The following RASGEF1C variants were observed in gnomAD, a reference collection of about 807,000 sequenced individuals.
The protein encoded by RASGEF1C is RasGEF domain family member 1C.
Under a neutral mutation model 58.1 loss-of-function variants are expected in RASGEF1C, and 27 were observed. The observed-to-expected ratio is 0.46, with a 90% CI of 0.34 to 0.64. RASGEF1C has a LOEUF of 0.64. Ranked by LOEUF, RASGEF1C falls within the 30% of genes least tolerant of loss-of-function variation. The pLI is 0.01. For synonymous variants in RASGEF1C, 243 were observed against 246.3 expected (o/e 0.99, Z 0.13); for missense variants, 502 against 605.1 (o/e 0.83, Z 1.79).
rs1198138037 is a variant in RASGEF1C at position 180,143,958 on chromosome 5, G to A, written c.-6-5900C>T. Among the ~76,000 whole-genome samples, 1 of 152,172 alleles carries A rather than the reference G, an allele frequency of 6.6e-6. No individual in the cohort carries two copies. The highest frequency in any genetic ancestry group is 1.5e-5 in the Non-Finnish European group (1 of 68,034). On this transcript the variant is annotated intron_variant, in intron 1 of 13. Coordinates refer to ENST00000361132, the MANE Select transcript of RASGEF1C (RefSeq NM_175062.4). This position sits in a 1 kb window ranked among gnomAD's most constrained non-coding sequence, Gnocchi z 4.3. Reference sequence around the variant, plus strand: ...AGGGACAGAGGTAAAGAAGGCTCCCGAAGGCCCCTGTGAGGACCACGCGCG... The same window carrying A: ...AGGGACAGAGGTAAAGAAGGCTCCCAAAGGCCCCTGTGAGGACCACGCGCG...
chr5:180,172,904 A>G (rs1226378439), intron 1 of RASGEF1C, among the ~76,000 whole-genome samples: 9 of 151,936 alleles, frequency 5.9e-5, no homozygotes. Flanking sequence ...CCCATGCTCT[A>G]TCCTCTTCTG....
At chr5:180,130,850 T>C (rs750240596) in intron 4 of RASGEF1C, among the ~76,000 whole-genome samples, 11 of 152,190 alleles carry the variant, frequency 7.2e-5, no homozygotes, top group Non-Finnish European at 1.5e-4. Context: ...GTCCGTCATA[T>C]GGCCCATGGT....
intron 1 of RASGEF1C, among the ~76,000 whole-genome samples, chr5:180,167,066 G>A (rs182436702): frequency 1.3e-5 from 2 of 152,210 alleles, no homozygotes; most frequent in Admixed American, 6.5e-5. Flanking sequence ...TTCTGCTTGA[G>A]ATTCATCCTG....
intron 1 of RASGEF1C, among the ~76,000 whole-genome samples, chr5:180,182,191 C>A (rs574451550): frequency 1.1e-5 from 1 of 87,312 alleles, no homozygotes; most frequent in South Asian, 4.2e-4. Context: ...GGCAACAGAG[C>A]AAGACTCCGT....
chr5:180,170,381 A>G (rs1328249028), intron 1 of RASGEF1C, among the ~76,000 whole-genome samples: 1 of 152,148 alleles, frequency 6.6e-6, no homozygotes, highest in Non-Finnish European at 1.5e-5. Context: ...CCTATTTACC[A>G]CGAGAATGAA....
In RASGEF1C at chr5:180,119,130, C is replaced by T. The variant is rs548977324; in HGVS notation, c.907+216G>A. Among the ~76,000 whole-genome samples, 10 of 152,372 alleles carry T rather than the reference C, an allele frequency of 6.6e-5. No individual in the cohort carries two copies. In the South Asian group the frequency reaches 8.3e-4, roughly 13 times the overall value. ...GACATACCACCAAGCCCTCACCAAA[C>T]ATCCCGAGGGGGCTGGGCTTGCCTC... On this transcript the variant is annotated intron_variant, in intron 8 of 13. Transcript: ENST00000361132.
chr5:180,166,149 C>T (rs1767018153), intron 1 of RASGEF1C, among the ~76,000 whole-genome samples: 1 of 152,104 alleles, frequency 6.6e-6, no homozygotes, highest in African/African-American at 2.4e-5. Context: ...AATAAATATT[C>T]CAACACTTCA....
chr5:180,139,348 A>G (rs1173050856), intron 1 of RASGEF1C, among the ~76,000 whole-genome samples: 1 of 152,114 alleles, frequency 6.6e-6, no homozygotes, highest in Non-Finnish European at 1.5e-5. Flanking sequence ...TCCCCTGCTC[A>G]TGCCGTCCTT....
At chr5:180,109,056 C>T (rs1765913214) in intron 12 of RASGEF1C, among the ~76,000 whole-genome samples, 1 of 152,222 alleles carries the variant, frequency 6.6e-6, no homozygotes, top group African/African-American at 2.4e-5. Context: ...TTTTCTCCCT[C>T]TCTGCCCTGA....
At chr5:180,189,923 CAAAAAAAA>C (rs71001085) in intron 1 of RASGEF1C, among the ~76,000 whole-genome samples, 4 of 37,188 alleles carry the variant, frequency 1.1e-4, no homozygotes, top group African/African-American at 1.0e-4. Flanking sequence ...AACTCCATCT[CAAAAAAAA>C]AAAAAAAAAA....
At position 180,112,906 on chromosome 5, in the gene RASGEF1C, C is replaced by CA. The variant is rs1765982855; in HGVS notation, c.1180-1327_1180-1326insT. On this transcript the variant is annotated intron_variant, in intron 11 of 13. Transcript: ENST00000361132. ...AGGGACCGGGGATGGACGGAGGGAC[C>CA]GTGGATGGACAGAGGGATCCGGGAT... 1.4e-5 allele frequency among the ~76,000 whole-genome samples: 2 copies of CA among 146,794 alleles called. 1 individual carries two copies. Among genetic ancestry groups the CA allele is most frequent in the East Asian group, 4.1e-4 (2 of 4,838 alleles).
intron 13 of RASGEF1C, 70 bp downstream of exon 13, chr5:180,102,001 G>T (rs1765794624): frequency 1.3e-6 from 1 of 771,252 alleles, no homozygotes; most frequent in African/African-American, 1.7e-5. Flanking sequence ...TCCCACCTCG[G>T]CGCGAAGACT....
chr5:180,162,358 A>AT (rs1313898927), intron 1 of RASGEF1C, among the ~76,000 whole-genome samples: 1 of 152,264 alleles, frequency 6.6e-6, no homozygotes, highest in Non-Finnish European at 1.5e-5. Context: ...ACTGAGTCCC[A>AT]GAGGGAGGAC....
At chr5:180,104,045 T>C (rs1394510476) in intron 12 of RASGEF1C, among the ~76,000 whole-genome samples, 1 of 152,208 alleles carries the variant, frequency 6.6e-6, no homozygotes, top group African/African-American at 2.4e-5. Context: ...GACGTATAAT[T>C]ATTTTTACAT....
chr5:180,127,626 G>C lies in RASGEF1C; in HGVS notation c.697C>G (p.Pro233Ala). 6.2e-7 allele frequency: 1 copy of C among 1,613,062 alleles called. No homozygotes were observed. The highest frequency in any genetic ancestry group is 8.5e-7 in the Non-Finnish European group (1 of 1,179,674). Residue 233 changes from proline to alanine, a missense_variant, in exon 6 of 14, where the codon CCT becomes GCT. By Grantham distance (27) the Pro-to-Ala change is conservative (BLOSUM62 -1). Transcript: ENST00000361132. Reference protein sequence around the residue: ...EFVQAFVNKDPLASTKPCFSD... With the variant: ...EFVQAFVNKDALASTKPCFSD... ...CCTCCTACCTTTGTGCTGGCCAGAGGGTCCTTGTTCACAAAGGCCTGGACA... is the reference window on the plus strand; with the variant it reads ...CCTCCTACCTTTGTGCTGGCCAGAGCGTCCTTGTTCACAAAGGCCTGGACA...
intron 1 of RASGEF1C, among the ~76,000 whole-genome samples, chr5:180,204,954 C>G (rs1756464059): frequency 6.6e-6 from 1 of 152,120 alleles, no homozygotes; most frequent in Non-Finnish European, 1.5e-5. Context: ...CTTTGGGAGG[C>G]TGAGATGGCA....
intron 10 of RASGEF1C, among the ~76,000 whole-genome samples, chr5:180,116,995 C>G (rs959944969): frequency 9.8e-5 from 15 of 152,362 alleles, no homozygotes; most frequent in African/African-American, 2.9e-4. Flanking sequence ...TGCTGATGCC[C>G]CCATAGAGTC....
At chr5:180,208,003 A>AGGCAGCAGGCGG (rs1756518847) in intron 1 of RASGEF1C, among the ~76,000 whole-genome samples, 1 of 152,164 alleles carries the variant, frequency 6.6e-6, no homozygotes, top group Non-Finnish European at 1.5e-5. Flanking sequence ...GCTAGTGAGC[A>AGGCAGCAGGCGG]CTTACGGGGG....
intron 1 of RASGEF1C, among the ~76,000 whole-genome samples, chr5:180,169,949 C>T (rs1469072414): frequency 6.6e-6 from 1 of 152,174 alleles, no homozygotes; most frequent in Non-Finnish European, 1.5e-5. Context: ...GCCTGCCCCT[C>T]CCTCGGAGAC....
Sources: allele counts gnomAD v4.1 joint callset (sites outside exome capture counted in the v4.1 genomes callset), GRCh38; gene constraint gnomAD v4.1.1; non-coding constraint Gnocchi (gnomAD v3.1); transcripts MANE v1.5; gene names NCBI Gene and HGNC (gene_info 2026-07-23, HGNC 2026-07-21).